ITGBL1: variants seen among roughly 807,000 people sequenced by gnomAD.
ITGBL1 encodes integrin beta-like protein 1.
A neutral mutation model predicts 68.5 loss-of-function variants in ITGBL1; 51 were observed. The observed-to-expected ratio is 0.74, with a 90% CI of 0.59 to 0.94. The LOEUF (loss-of-function observed/expected upper bound fraction) is 0.94, where lower values mean the gene tolerates loss of function less well. Ranked by LOEUF, ITGBL1 falls within the 40% of genes least tolerant of loss-of-function variation. The pLI, the probability that ITGBL1 is intolerant of heterozygous loss-of-function variation, is 0.00. For missense variants in ITGBL1, 649 were observed against 647.4 expected, an observed-to-expected ratio of 1.00 and a Z score of -0.03; for synonymous variants, 209 against 227.3, an observed-to-expected ratio of 0.92 and a Z score of 0.72.
intron 6 of ITGBL1, among the ~76,000 whole-genome samples, chr13:101,592,528 A>G (rs2050672408): frequency 6.6e-6 from 1 of 152,166 alleles, no homozygotes; most frequent in Admixed American, 6.5e-5. Flanking sequence ...ATGGAAAGAT[A>G]TCTCATGATC....
At chr13:101,466,133 G>A (rs2048378995) in intron 2 of ITGBL1, among the ~76,000 whole-genome samples, 1 of 152,132 alleles carries the variant, frequency 6.6e-6, no homozygotes, top group Admixed American at 6.5e-5. Context: ...TGCCAATATT[G>A]CTAATGTTTT....
chr13:101,641,659 C>A (rs573856610), intron 7 of ITGBL1, among the ~76,000 whole-genome samples: 2 of 149,908 alleles, frequency 1.3e-5, no homozygotes, highest in African/African-American at 2.5e-5. Context: ...TGTGCTGCAC[C>A]CATTAACTCC....
intron 2 of ITGBL1, among the ~76,000 whole-genome samples, chr13:101,517,974 C>T (rs937423254): frequency 6.6e-6 from 1 of 152,280 alleles, no homozygotes; most frequent in African/African-American, 2.4e-5. Flanking sequence ...TTTCTTTCCC[C>T]CATGCCATGT....
chr13:101,583,067 T>C, intron 5 of ITGBL1, 149 bp from the exon 6 acceptor site: 1 of 685,520 alleles, frequency 1.5e-6, no homozygotes, highest in South Asian at 1.9e-5. Flanking sequence ...CAATATTAGA[T>C]GGTGTTTTTC....
intron 2 of ITGBL1, among the ~76,000 whole-genome samples, chr13:101,495,831 T>C (rs957084840): frequency 6.6e-6 from 1 of 152,124 alleles, no homozygotes; most frequent in Non-Finnish European, 1.5e-5. Context: ...GTATTTACAG[T>C]TGACATAACT....
chr13:101,544,402 G>A (rs1467752603), intron 2 of ITGBL1, among the ~76,000 whole-genome samples: 2 of 152,288 alleles, frequency 1.3e-5, no homozygotes, highest in East Asian at 1.9e-4. Context: ...CTGCCTGATC[G>A]TTCCTCTGGA....
At chr13:101,666,510 G>GTTT (rs66930116) in intron 7 of ITGBL1, among the ~76,000 whole-genome samples, 4 of 149,210 alleles carry the variant, frequency 2.7e-5, no homozygotes, top group African/African-American at 4.9e-5. Flanking sequence ...TGTGAGGCAT[G>GTTT]TTTTTTTTTT....
intron 7 of ITGBL1, among the ~76,000 whole-genome samples, chr13:101,679,340 T>G (rs2033585754): frequency 6.6e-6 from 1 of 152,246 alleles, no homozygotes; most frequent in African/African-American, 2.4e-5. Flanking sequence ...TGAATTACAG[T>G]TGAGTGTGTT....
chr13:101,614,978 A>G (rs1361396174), intron 7 of ITGBL1, among the ~76,000 whole-genome samples: 2 of 152,216 alleles, frequency 1.3e-5, no homozygotes, highest in Admixed American at 6.5e-5. Flanking sequence ...CTGCAAAAAC[A>G]AATGACCACA....
chr13:101,640,780 C>G (rs1327698328), intron 7 of ITGBL1, among the ~76,000 whole-genome samples: 1 of 152,090 alleles, frequency 6.6e-6, no homozygotes, highest in Non-Finnish European at 1.5e-5. Flanking sequence ...CCCCCTCCCT[C>G]TCTCCCTTTC....
At chr13:101,623,012 CTTG>C (rs2031647529) in intron 7 of ITGBL1, among the ~76,000 whole-genome samples, 1 of 150,706 alleles carries the variant, frequency 6.6e-6, no homozygotes, top group African/African-American at 2.4e-5. Context: ...ATTATTTATG[CTTG>C]TTTTCTCTAA....
intron 2 of ITGBL1, chr13:101,489,922 A>T (rs2048751600): frequency 7.0e-7 from 1 of 1,429,586 alleles, no homozygotes; most frequent in African/African-American, 1.4e-5. Context: ...TAGCTTTTAG[A>T]ACAAGCAGAA....
chr13:101,611,372 C>T (rs769832456), intron 7 of ITGBL1, among the ~76,000 whole-genome samples: 18 of 152,242 alleles, frequency 1.2e-4, no homozygotes, highest in Non-Finnish European at 2.5e-4. Context: ...TTCTGCACCT[C>T]GTATCATGTT....
At chr13:101,568,808 T>G (rs1490152268) in intron 3 of ITGBL1, among the ~76,000 whole-genome samples, 2 of 152,054 alleles carry the variant, frequency 1.3e-5, no homozygotes, top group Non-Finnish European at 2.9e-5. Flanking sequence ...GATTGTGTGT[T>G]TTAGACTGAG....
intron 6 of ITGBL1, among the ~76,000 whole-genome samples, chr13:101,596,690 C>T (rs1394259381): frequency 6.6e-6 from 1 of 151,932 alleles, no homozygotes; most frequent in East Asian, 1.9e-4. Context: ...TAATAAATAG[C>T]GATCCATTAA....
intron 7 of ITGBL1, among the ~76,000 whole-genome samples, chr13:101,602,697 A>G (rs2139338531): frequency 6.6e-6 from 1 of 152,122 alleles, no homozygotes; most frequent in African/African-American, 2.4e-5. Flanking sequence ...ATCATCATAA[A>G]ATACCCTGTT....
chr13:101,703,693 G>A (rs2034187137), intron 8 of ITGBL1, among the ~76,000 whole-genome samples: 1 of 152,118 alleles, frequency 6.6e-6, no homozygotes, highest in African/African-American at 2.4e-5. Context: ...ATTCAAATGA[G>A]ACTCAAAACA....
At chr13:101,646,300 C>G (rs2032557377) in intron 7 of ITGBL1, among the ~76,000 whole-genome samples, 2 of 149,688 alleles carry the variant, frequency 1.3e-5, no homozygotes, top group African/African-American at 5.0e-5. Context: ...ATTATTTTAC[C>G]TTGTTGTATT....
At chr13:101,628,431 C>A (rs1594940186) in intron 7 of ITGBL1, among the ~76,000 whole-genome samples, 1 of 148,352 alleles carries the variant, frequency 6.7e-6, no homozygotes, top group Non-Finnish European at 1.5e-5. Flanking sequence ...TTTTCTTTTT[C>A]TTTTTCTTTT....
Sources: allele counts gnomAD v4.1 joint callset (sites outside exome capture counted in the v4.1 genomes callset), GRCh38; gene constraint gnomAD v4.1.1; transcripts MANE v1.5; gene names NCBI Gene and HGNC (gene_info 2026-07-23, HGNC 2026-07-21).